VPS53: variants seen among roughly 807,000 people sequenced by gnomAD.
VPS53 encodes vacuolar protein sorting-associated protein 53 homolog.
A neutral mutation model predicts 107.0 loss-of-function variants in VPS53; 70 were observed. That is an observed-to-expected ratio of 0.65 (90% CI 0.54 to 0.80). The LOEUF is 0.80. Ranked by LOEUF, VPS53 falls within the 30% of genes least tolerant of loss-of-function variation. The probability of loss-of-function intolerance (pLI) is 0.00; values close to 1 mark genes in which losing one functional copy is unlikely to be tolerated. For missense variants in VPS53, 917 were observed against 1,049.4 expected, an observed-to-expected ratio of 0.87 and a Z score of 1.74; for synonymous variants, 409 against 393.3, an observed-to-expected ratio of 1.04 and a Z score of -0.47.
At chr17:621,611 AT>A (rs564940075) in intron 11 of VPS53, among the ~76,000 whole-genome samples, 91 of 152,272 alleles carry the variant, frequency 6.0e-4, no homozygotes, top group Non-Finnish European at 1.2e-3. Flanking sequence ...TGTAGGAAAA[AT>A]ATCCTGTTTT....
intron 12 of VPS53, among the ~76,000 whole-genome samples, chr17:588,175 G>T (rs190143834): frequency 4.6e-5 from 7 of 152,270 alleles, no homozygotes; most frequent in African/African-American, 1.7e-4. Flanking sequence ...AAAATTAGCA[G>T]GTTGTGGTGG....
intron 4 of VPS53, among the ~76,000 whole-genome samples, chr17:680,042 C>A (rs879561100): frequency 4.7e-4 from 71 of 152,124 alleles, no homozygotes; most frequent in Non-Finnish European, 2.9e-4. Flanking sequence ...GCCTGTAATC[C>A]CAGCACTTTG....
At chr17:700,731 T>C (rs891401250) in intron 2 of VPS53, among the ~76,000 whole-genome samples, 5 of 152,172 alleles carry the variant, frequency 3.3e-5, no homozygotes, top group Admixed American at 6.5e-5. Context: ...TACAATTTTA[T>C]AGTACTATTT....
intron 15 of VPS53, among the ~76,000 whole-genome samples, chr17:558,887 CA>C (rs1016899284): frequency 2.0e-4 from 31 of 151,232 alleles, no homozygotes; most frequent in African/African-American, 7.5e-4. Flanking sequence ...CCCAGCTACT[CA>C]GGAGGCTGAG....
intron 7 of VPS53, among the ~76,000 whole-genome samples, chr17:637,022 A>G (rs1003416846): frequency 1.6e-4 from 25 of 152,222 alleles, no homozygotes; most frequent in Non-Finnish European, 3.7e-4. Context: ...CTCTGGTAGA[A>G]TTCGGCTGTG....
chr17:654,893 C>A (rs1212239501), intron 6 of VPS53, among the ~76,000 whole-genome samples: 1 of 152,152 alleles, frequency 6.6e-6, no homozygotes, highest in South Asian at 2.1e-4. Flanking sequence ...CCGACCACCC[C>A]ACGAAGGAAC....
At chr17:663,336 AGTTGTG>A (rs1971549779) in intron 4 of VPS53, among the ~76,000 whole-genome samples, 1 of 152,262 alleles carries the variant, frequency 6.6e-6, no homozygotes, top group Non-Finnish European at 1.5e-5. Flanking sequence ...ACATGAGGGC[AGTTGTG>A]ACATGTGGAG....
At chr17:683,890 A>G (rs1438191581) in intron 4 of VPS53, among the ~76,000 whole-genome samples, 1 of 152,240 alleles carries the variant, frequency 6.6e-6, no homozygotes, top group Non-Finnish European at 1.5e-5. Flanking sequence ...AAATATTTTT[A>G]AAATTTATTT....
intron 7 of VPS53, among the ~76,000 whole-genome samples, chr17:633,567 G>A (rs1222333981): frequency 6.6e-6 from 1 of 152,034 alleles, no homozygotes. Flanking sequence ...TGTTTTTTCC[G>A]TGGCGTGGTT....
At chr17:521,793 T>C (rs1908776577) in intron 19 of VPS53, 55 bp from the exon 20 acceptor site, 2 of 1,408,514 alleles carry the variant, frequency 1.4e-6, no homozygotes, top group South Asian at 1.6e-5. Context: ...CAGTGCCGAG[T>C]GGACTCATGC....
chr17:621,634 T>C (rs1451858005), intron 11 of VPS53, among the ~76,000 whole-genome samples: 2 of 152,204 alleles, frequency 1.3e-5, no homozygotes, highest in Admixed American at 6.5e-5. Context: ...TTTTTTTTCA[T>C]GTTTATTAGC....
chr17:682,978 G>A (rs771009170), intron 4 of VPS53, among the ~76,000 whole-genome samples: 18 of 151,830 alleles, frequency 1.2e-4, no homozygotes, highest in Non-Finnish European at 2.5e-4. Context: ...AATTATAAGA[G>A]TCAAATGGAA....
At chr17:536,102 A>T (rs564520739) in intron 18 of VPS53, among the ~76,000 whole-genome samples, 16 of 152,310 alleles carry the variant, frequency 1.1e-4, no homozygotes, top group Non-Finnish European at 1.5e-4. Context: ...GCTAAGCCAG[A>T]TGGTGATCGG....
chr17:581,684 G>A (rs756990198), intron 13 of VPS53, among the ~76,000 whole-genome samples: 2 of 147,138 alleles, frequency 1.4e-5, no homozygotes, highest in Non-Finnish European at 3.0e-5. Context: ...ATGCATCCCC[G>A]GAAAACCTTC....
intron 14 of VPS53, among the ~76,000 whole-genome samples, chr17:562,220 T>C (rs1207176992): frequency 6.6e-6 from 1 of 152,212 alleles, no homozygotes; most frequent in African/African-American, 2.4e-5. Flanking sequence ...TATCTATAGC[T>C]GAATCCATGA....
At chr17:567,721 C>G (rs11649987) in intron 13 of VPS53, among the ~76,000 whole-genome samples, 35,029 of 151,398 alleles carry the variant, frequency 0.23, 4,281 homozygotes, top group Admixed American at 0.32. Context: ...ATCCCTATCT[C>G]TAAAAAAAAA....
At chr17:663,811 A>T (rs1330039939) in intron 4 of VPS53, among the ~76,000 whole-genome samples, 2 of 149,890 alleles carry the variant, frequency 1.3e-5, no homozygotes, top group African/African-American at 4.9e-5. Flanking sequence ...GGCATTGGGA[A>T]TCCAATGGTA....
chr17:573,692 C>T (rs1384901556), intron 13 of VPS53, among the ~76,000 whole-genome samples: 1 of 147,520 alleles, frequency 6.8e-6, no homozygotes, highest in African/African-American at 2.4e-5. Flanking sequence ...ATGATCCTCA[C>T]AGTGTAGAGG....
At chr17:545,227 C>T (rs1238656010) in intron 17 of VPS53, among the ~76,000 whole-genome samples, 2 of 152,214 alleles carry the variant, frequency 1.3e-5, no homozygotes, top group Non-Finnish European at 2.9e-5. Context: ...CCCCCTTCTT[C>T]GGCCTGGCCT....
Sources: allele counts gnomAD v4.1 joint callset (sites outside exome capture counted in the v4.1 genomes callset), GRCh38; gene constraint gnomAD v4.1.1; transcripts MANE v1.5; gene names NCBI Gene and HGNC (gene_info 2026-07-23, HGNC 2026-07-21).